ADGRG2: variants seen among roughly 807,000 people sequenced by gnomAD.
The protein encoded by ADGRG2 is adhesion G protein-coupled receptor G2, also known as G protein-coupled receptor 64.
In ADGRG2, 26 loss-of-function variants were observed where a neutral mutation model predicts 74.1. The ratio of observed to expected loss-of-function variants is 0.35; its 90% confidence interval spans 0.26 to 0.49. The LOEUF is 0.49. ADGRG2 is among the 20% of genes least tolerant of loss of function. The pLI is 0.99. For synonymous variants in ADGRG2, 296 were observed against 295.2 expected, an observed-to-expected ratio of 1.00 and a Z score of -0.03; for missense variants, 619 against 763.1, an observed-to-expected ratio of 0.81 and a Z score of 2.22.
intron 8 of ADGRG2, chrX:19,033,395 A>C (rs2060868335): frequency 6.4e-6 from 2 of 312,142 alleles, no homozygotes; most frequent in African/African-American, 2.8e-5. Flanking sequence ...CATAGACTAG[A>C]AGATTCTTGA....
rs1022457596 is a variant in ADGRG2 at position 19,069,538 on chromosome X, C to T, written c.-1-703G>A. Among the ~76,000 whole-genome samples, 29 of 110,761 alleles carry T rather than the reference C, an allele frequency of 2.6e-4. No homozygotes were observed. In the Admixed American group the frequency reaches 2.7e-3, roughly 10 times the overall value. ...GAACATGCATTCTCATTTCCCTGCC[C>T]GAATGTTGCCTTTTCCAAAACCACC... On this transcript the variant is annotated intron_variant, in intron 2 of 28. Coordinates refer to ENST00000379869, the MANE Select transcript of ADGRG2 (RefSeq NM_001079858.3).
Position 19,081,155 on chromosome X carries a change from C to T in ADGRG2, c.-2+1547G>A, listed in dbSNP as rs750937199. 7.2e-5 allele frequency among the ~76,000 whole-genome samples: 8 copies of T among 110,822 alleles called. No individual in the cohort carries two copies. The South Asian group carries it at 3.1e-3, about 43-fold the overall frequency. On this transcript the variant is annotated intron_variant, in intron 2 of 28. Transcript: ENST00000379869. ...TACTTTCTCTTCATGGTCCATCAGACTCGACTTTGCCTAAAAACAAAAACA... is the reference window on the plus strand; with the variant it reads ...TACTTTCTCTTCATGGTCCATCAGATTCGACTTTGCCTAAAAACAAAAACA...
At chrX:19,001,337 A>G (rs2060128894) in intron 24 of ADGRG2, among the ~76,000 whole-genome samples, 1 of 111,111 alleles carries the variant, frequency 9.0e-6, no homozygotes, top group Non-Finnish European at 1.9e-5. Context: ...GCCCCATGCC[A>G]CCGCCCCACA....
intron 1 of ADGRG2, among the ~76,000 whole-genome samples, chrX:19,117,552 C>G (rs1274559074): frequency 9.0e-6 from 1 of 110,875 alleles, no homozygotes; most frequent in Non-Finnish European, 1.9e-5. Flanking sequence ...CGCAGTGGCT[C>G]ATGCCTGTAA....
chrX:19,070,396 G>A (rs952011287), intron 2 of ADGRG2, among the ~76,000 whole-genome samples: 8 of 111,935 alleles, frequency 7.1e-5, no homozygotes, highest in Non-Finnish European at 1.5e-4. Flanking sequence ...TGAAATGCAC[G>A]TGCTGGAGGT....
intron 3 of ADGRG2, among the ~76,000 whole-genome samples, chrX:19,055,571 T>C (rs5955680): frequency 0.021 from 2,312 of 111,158 alleles, 61 homozygotes; most frequent in African/African-American, 0.072. Flanking sequence ...ACTTCCGTTA[T>C]TGCAAAAAAA....
intron 4 of ADGRG2, among the ~76,000 whole-genome samples, chrX:19,039,858 T>C (rs1372491751): frequency 8.9e-6 from 1 of 112,077 alleles, no homozygotes; most frequent in Non-Finnish European, 1.9e-5. Context: ...TGTAAAAACA[T>C]CTGGCATGTT....
At chrX:19,090,564 C>T (rs769194694) in intron 1 of ADGRG2, among the ~76,000 whole-genome samples, 5 of 111,986 alleles carry the variant, frequency 4.5e-5, no homozygotes, top group Admixed American at 1.9e-4. Context: ...AAAATCAATA[C>T]GTTCATCTTG....
chrX:19,084,411 G>A (rs780410590), intron 1 of ADGRG2, among the ~76,000 whole-genome samples: 3 of 110,679 alleles, frequency 2.7e-5, no homozygotes, highest in Non-Finnish European at 5.7e-5. Flanking sequence ...AATCACCATG[G>A]CACACATTTA....
At chrX:19,022,705 A>AT (rs1004094930) in intron 13 of ADGRG2, among the ~76,000 whole-genome samples, 4 of 108,329 alleles carry the variant, frequency 3.7e-5, no homozygotes, top group Non-Finnish European at 5.7e-5. Flanking sequence ...TTTAAAAAAA[A>AT]TTTTTTTTTC....
intron 2 of ADGRG2, among the ~76,000 whole-genome samples, chrX:19,074,566 T>TC (rs2061709769): frequency 1.2e-5 from 1 of 84,414 alleles, no homozygotes; most frequent in African/African-American, 4.9e-5. Context: ...CTTCTTCTTT[T>TC]TTTTTTTTTT....
intron 7 of ADGRG2, chrX:19,035,577 A>G (rs2060920785): frequency 7.8e-6 from 1 of 127,552 alleles, no homozygotes; most frequent in East Asian, 2.2e-4. Context: ...CTGAATGGAA[A>G]TAGACCAAAT....
At chrX:19,027,312 ATTGTT>A (rs1310088880) in intron 10 of ADGRG2, 38 bp from the exon 11 acceptor site, 4 of 889,305 alleles carry the variant, frequency 4.5e-6, no homozygotes, top group Middle Eastern at 6.4e-4. Flanking sequence ...TATAACAAAC[ATTGTT>A]TTGTTTTTTC....
intron 13 of ADGRG2, among the ~76,000 whole-genome samples, chrX:19,021,986 G>A (rs967518578): frequency 1.8e-5 from 2 of 109,265 alleles, no homozygotes; most frequent in Non-Finnish European, 3.8e-5. Context: ...TTCTGGGGCC[G>A]GGTGCGGTGG....
At chrX:19,107,134 C>T (rs941591871) in intron 1 of ADGRG2, among the ~76,000 whole-genome samples, 1 of 111,598 alleles carries the variant, frequency 9.0e-6, no homozygotes, top group African/African-American at 3.2e-5. Context: ...GTGCAGCTCC[C>T]CCGCCCCAAC....
intron 1 of ADGRG2, among the ~76,000 whole-genome samples, chrX:19,086,471 C>T (rs181372502): frequency 9.0e-6 from 1 of 110,985 alleles, no homozygotes; most frequent in Non-Finnish European, 1.9e-5. Context: ...GTAATACCAG[C>T]GTGACCCAAA....
intron 1 of ADGRG2, among the ~76,000 whole-genome samples, chrX:19,091,433 G>A (rs1212993263): frequency 1.9e-5 from 2 of 108,030 alleles, no homozygotes; most frequent in Admixed American, 1.0e-4. Context: ...GAGCAATTCA[G>A]TAAAACAAAA....
chrX:19,007,229 C>T lies in ADGRG2; in HGVS notation c.1689+6G>A. 2 of 1,210,327 alleles carry T rather than the reference C, an allele frequency of 1.7e-6. No individual in the cohort carries two copies. The highest frequency in any genetic ancestry group is 5.9e-5 in the East Asian group (2 of 33,802). On this transcript the variant is annotated splice_donor_region_variant and intron_variant, in intron 20 of 28. Coordinates refer to ENST00000379869, the MANE Select transcript of ADGRG2 (RefSeq NM_001079858.3). ...CAATGAACAGACGGCACTGGCCTCT[C>T]CCCACCTGGCTCGGGTTGATGTGCT...
chrX:18,992,096 G>A lies in ADGRG2; in HGVS notation c.2870-1048C>T, dbSNP rs780805968. On this transcript the variant is annotated intron_variant, in intron 28 of 28. Coordinates refer to ENST00000379869, the MANE Select transcript of ADGRG2 (RefSeq NM_001079858.3). ...TGGCTGCTGGTACCCCACCCTCTAA[G>A]GCAGCTCAGAACTGAACTGTGTAAT... is the stretch of plus-strand genomic sequence containing the variant. 3.6e-5 allele frequency among the ~76,000 whole-genome samples: 4 copies of A among 111,537 alleles called. No homozygotes were observed. In the East Asian group the frequency reaches 8.4e-4, roughly 24 times the overall value.
Sources: allele counts gnomAD v4.1 joint callset (sites outside exome capture counted in the v4.1 genomes callset), GRCh38; gene constraint gnomAD v4.1.1; transcripts MANE v1.5; gene names NCBI Gene and HGNC (gene_info 2026-07-23, HGNC 2026-07-21).